MAP4K5: variants seen among roughly 807,000 people sequenced by gnomAD.
The protein encoded by MAP4K5 is MAPK/ERK kinase kinase kinase 5.
MAP4K5 carries 82 observed loss-of-function variants against 135.6 expected under a neutral mutation model. The ratio of observed to expected loss-of-function variants is 0.60; its 90% confidence interval spans 0.51 to 0.73. The LOEUF is 0.73. Ranked by LOEUF, MAP4K5 falls within the 30% of genes least tolerant of loss-of-function variation. The probability of loss-of-function intolerance (pLI) is 0.00; values close to 1 mark genes in which losing one functional copy is unlikely to be tolerated. For missense variants in MAP4K5, 907 were observed against 1,010.9 expected, an observed-to-expected ratio of 0.90 and a Z score of 1.39; for synonymous variants, 347 against 335.0, an observed-to-expected ratio of 1.04 and a Z score of -0.39.
intron 26 of MAP4K5, among the ~76,000 whole-genome samples, chr14:50,436,082 A>G (rs1000544650): frequency 6.6e-6 from 1 of 152,204 alleles, no homozygotes; most frequent in African/African-American, 2.4e-5. Flanking sequence ...TGTGGCACAA[A>G]GATCAATGTG....
At chr14:50,513,613 G>A (rs1457740955) in intron 2 of MAP4K5, among the ~76,000 whole-genome samples, 1 of 150,260 alleles carries the variant, frequency 6.7e-6, no homozygotes, top group African/African-American at 2.4e-5. Context: ...AGCAAGTAAG[G>A]ACAGCCATCT....
intron 15 of MAP4K5, 103 bp downstream of exon 15, chr14:50,448,671 T>TA: frequency 1.6e-6 from 1 of 634,932 alleles, no homozygotes; most frequent in Non-Finnish European, 2.6e-6. Context: ...AATTAATGCT[T>TA]AAAAGAGTAT....
upstream of MAP4K5, among the ~76,000 whole-genome samples, chr14:50,535,857 G>T (rs2038484649): frequency 6.6e-6 from 1 of 152,162 alleles, no homozygotes; most frequent in South Asian, 2.1e-4. Context: ...ACGTGTTGTG[G>T]GAGGGACCAG....
At chr14:50,536,281 A>G (rs1291915030), upstream of MAP4K5, among the ~76,000 whole-genome samples, 1 of 152,088 alleles carries the variant, frequency 6.6e-6, no homozygotes, top group Non-Finnish European at 1.5e-5. Flanking sequence ...TGCTAAAACT[A>G]CAAAATTAGC....
In MAP4K5 at chr14:50,530,855, CTAA is replaced by C. The variant is rs545284314; in HGVS notation, c.108+1084_108+1086del. ...TTGATAATACCACTACCTTGAAATG[CTAA>C]TATTAATTAGGAGGAAATTAAAAGT... On this transcript the variant is annotated intron_variant, in intron 2 of 32. Transcript: ENST00000682126. Among the ~76,000 whole-genome samples, 15 of 152,150 alleles carry C rather than the reference CTAA, an allele frequency of 9.9e-5. No homozygotes were observed. In the South Asian group the frequency reaches 3.1e-3, roughly 32 times the overall value.
chr14:50,543,366 A>C (rs1040399072), intron 1 of MAP4K5, among the ~76,000 whole-genome samples: 3 of 152,216 alleles, frequency 2.0e-5, no homozygotes, highest in Non-Finnish European at 4.4e-5. Flanking sequence ...TATAGAGGGA[A>C]GAGTGACCTG....
chr14:50,445,232 T>G, intron 17 of MAP4K5, 38 bp from the exon 18 acceptor site: 2 of 1,589,428 alleles, frequency 1.3e-6, no homozygotes, highest in African/African-American at 1.3e-5. Flanking sequence ...TTAACAGTTA[T>G]CATTAGGCAT....
At chr14:50,447,728 T>C (rs1357156391) in intron 15 of MAP4K5, among the ~76,000 whole-genome samples, 1 of 152,204 alleles carries the variant, frequency 6.6e-6, no homozygotes, top group Admixed American at 6.5e-5. Context: ...AAACCTTCTT[T>C]ATCAGTATGT....
At chr14:50,489,295 C>T (rs2037432780) in intron 3 of MAP4K5, among the ~76,000 whole-genome samples, 1 of 152,160 alleles carries the variant, frequency 6.6e-6, no homozygotes, top group Non-Finnish European at 1.5e-5. Context: ...TTGCAGTGAG[C>T]TATAATCACG....
rs146489627 is a variant in MAP4K5, at chr14:50,457,334, G to T, written c.937-740C>A. ...AGAGTTATCTATTAAATATGTATGA[G>T]ACTATGGAGGGGAGAAATATTGGAT... On this transcript the variant is annotated intron_variant, in intron 13 of 32. Coordinates refer to ENST00000682126, the MANE Select transcript of MAP4K5 (RefSeq NM_006575.6). Among the ~76,000 whole-genome samples, 411 of 152,268 alleles carry T rather than the reference G, an allele frequency of 2.7e-3. 1 individual carries two copies. Among genetic ancestry groups the T allele is most frequent in the Middle Eastern group, 0.017 (5 of 294 alleles).
At chr14:50,458,359 T>C (rs982395084) in intron 13 of MAP4K5, among the ~76,000 whole-genome samples, 5 of 152,130 alleles carry the variant, frequency 3.3e-5, no homozygotes, top group African/African-American at 1.2e-4. Flanking sequence ...GTTCAAGCAA[T>C]GCCCCCCACC....
rs2038422131 is a variant in MAP4K5, at chr14:50,532,499, G to C, written c.-161C>G. On this transcript the variant is annotated 5_prime_UTR_variant, in exon 1 of 33. Transcript: ENST00000682126. ...CCCGCGCGCCGGCCGGCAGCTCCGG[G>C]TTTGCCGTCGCCGCCGCCGCCACTC... The C allele has an allele frequency of 1.3e-5, 2 of 152,574 alleles. No individual in the cohort carries two copies. 9.5% of individuals were successfully genotyped at this position (152,574 alleles called of 1,614,324 possible). A position where few individuals can be genotyped will look rare whatever the true frequency, so the allele number is the denominator to read the frequency against.
intron 2 of MAP4K5, among the ~76,000 whole-genome samples, chr14:50,539,358 T>C (rs1276481258): frequency 6.6e-6 from 1 of 152,216 alleles, no homozygotes; most frequent in Non-Finnish European, 1.5e-5. Context: ...TGAGAGTACA[T>C]GAAAACAAGA....
chr14:50,465,841 G>C (rs1344959403), intron 11 of MAP4K5, among the ~76,000 whole-genome samples: 1 of 152,130 alleles, frequency 6.6e-6, no homozygotes, highest in African/African-American at 2.4e-5. Context: ...ACTTTGGGAG[G>C]CCGAAGTGGG....
rs779492895 is a variant in MAP4K5 at position 50,442,810 on chromosome 14, C to T, written c.1486G>A (p.Ala496Thr). ...LPPTPKVLMGACFSKVFDGCP... is the reference protein window; with the variant it reads ...LPPTPKVLMGTCFSKVFDGCP... ...CCATCAAAAACTTTTGAAAAGCATG[C>T]TCCCATCTTATTTATAAAGAAAGAA... Residue 496 changes from alanine (A) to threonine (T), a missense_variant, in exon 21 of 33, where the codon GCA becomes ACA. Transcript: ENST00000682126. 2.6e-6 allele frequency: 4 copies of T among 1,564,576 alleles called. No homozygotes were observed. Among genetic ancestry groups the T allele is most frequent in the South Asian group, 2.4e-5 (2 of 82,994 alleles).
At chr14:50,530,245 G>A (rs1471963766) in intron 2 of MAP4K5, among the ~76,000 whole-genome samples, 2 of 152,140 alleles carry the variant, frequency 1.3e-5, no homozygotes, top group East Asian at 3.9e-4. Context: ...ACTAGGGCAG[G>A]AAGGCACCAG....
chr14:50,437,263 C>G (rs575220227), intron 26 of MAP4K5, among the ~76,000 whole-genome samples: 1 of 152,256 alleles, frequency 6.6e-6, no homozygotes, highest in South Asian at 2.1e-4. Flanking sequence ...TCTAGGAACA[C>G]TATGCTCTGA....
intron 25 of MAP4K5, 135 bp from the exon 26 acceptor site, chr14:50,437,669 C>T: frequency 1.5e-6 from 1 of 667,422 alleles, no homozygotes; most frequent in South Asian, 2.0e-5. Flanking sequence ...ACTATCTCAT[C>T]TTATAGGACT....
intron 3 of MAP4K5, among the ~76,000 whole-genome samples, chr14:50,491,268 A>G (rs2037477999): frequency 6.6e-6 from 1 of 152,090 alleles, no homozygotes; most frequent in Admixed American, 6.6e-5. Context: ...TAATTCAACC[A>G]ATGTCTATAA....
Sources: gnomAD v4.1 joint callset for allele counts (sites outside exome capture counted in the v4.1 genomes callset) on GRCh38, gnomAD v4.1.1 for gene constraint, MANE v1.5 for transcripts, NCBI Gene and HGNC (gene_info 2026-07-23, HGNC 2026-07-21) for gene names.